SPOCK3: variants seen among roughly 807,000 people sequenced by gnomAD.
SPOCK3 encodes the protein SPARC (osteonectin), cwcv and kazal like domains proteoglycan 3.
Under a neutral mutation model 56.6 loss-of-function variants are expected in SPOCK3, and 30 were observed. The observed-to-expected ratio is 0.53, with a 90% CI of 0.40 to 0.72. The LOEUF (loss-of-function observed/expected upper bound fraction) is 0.72, where lower values mean the gene tolerates loss of function less well. Among genes scored for constraint, SPOCK3 ranks in the 30% least tolerant of loss-of-function variants. SPOCK3 has a pLI of 0.00. For synonymous variants in SPOCK3, 196 were observed against 183.3 expected, an observed-to-expected ratio of 1.07 and a Z score of -0.56; for missense variants, 527 against 530.0, an observed-to-expected ratio of 0.99 and a Z score of 0.06.
At chr4:166,954,536 C>A (rs1019660243) in intron 4 of SPOCK3, among the ~76,000 whole-genome samples, 1 of 152,044 alleles carries the variant, frequency 6.6e-6, no homozygotes, top group Non-Finnish European at 1.5e-5. Flanking sequence ...ATCCAGTTTT[C>A]CCAACACCAT....
In SPOCK3 at chr4:166,898,228, T is replaced by A. The variant is rs570056754; in HGVS notation, c.475-8984A>T. Among the ~76,000 whole-genome samples, 19 of 152,144 alleles carry A rather than the reference T, an allele frequency of 1.2e-4. 1 individual carries two copies. The highest frequency in any genetic ancestry group is 4.3e-4 in the African/African-American group (18 of 41,528). On this transcript the variant is annotated intron_variant, in intron 5 of 10. Transcript: ENST00000357545. ...AAGAAAAAAAAATATTTTTCATGTCTGGACAGTAGGTTTGGCTCAAACTGT... is the reference window on the plus strand; with the variant it reads ...AAGAAAAAAAAATATTTTTCATGTCAGGACAGTAGGTTTGGCTCAAACTGT...
chr4:166,784,771 C>T (rs1230462087), intron 7 of SPOCK3, among the ~76,000 whole-genome samples: 1 of 152,030 alleles, frequency 6.6e-6, no homozygotes, highest in African/African-American at 2.4e-5. Context: ...TGAAGGTTTA[C>T]ATAATTCTAT....
At chr4:167,133,998 C>T (rs1381826888) in intron 2 of SPOCK3, among the ~76,000 whole-genome samples, 1 of 139,578 alleles carries the variant, frequency 7.2e-6, no homozygotes, top group Non-Finnish European at 1.6e-5. Context: ...TGCCTTATAA[C>T]TTTCATAACT....
intron 6 of SPOCK3, among the ~76,000 whole-genome samples, chr4:166,795,895 T>A (rs1425195586): frequency 6.6e-6 from 1 of 152,156 alleles, no homozygotes; most frequent in Non-Finnish European, 1.5e-5. Context: ...CAGATTCATA[T>A]GTTATAACAT....
At chr4:167,106,004 A>G (rs1415513216) in intron 2 of SPOCK3, among the ~76,000 whole-genome samples, 1 of 151,916 alleles carries the variant, frequency 6.6e-6, no homozygotes. Flanking sequence ...TATTAGATTA[A>G]AGAGAGAGGC....
intron 4 of SPOCK3, among the ~76,000 whole-genome samples, chr4:166,997,077 A>C (rs1022262539): frequency 1.3e-5 from 2 of 151,894 alleles, no homozygotes; most frequent in African/African-American, 4.8e-5. Flanking sequence ...ACCAAACACC[A>C]CATGTTCTCA....
intron 6 of SPOCK3, among the ~76,000 whole-genome samples, chr4:166,833,450 T>G (rs912332072): frequency 6.6e-6 from 1 of 152,216 alleles, no homozygotes; most frequent in Non-Finnish European, 1.5e-5. Context: ...TGTTGCAGTT[T>G]CCAGCTCTAA....
chr4:167,169,251 C>T (rs1730282030), intron 2 of SPOCK3, among the ~76,000 whole-genome samples: 1 of 152,146 alleles, frequency 6.6e-6, no homozygotes, highest in Non-Finnish European at 1.5e-5. Context: ...ATAGTGGATC[C>T]ACTGACAGCT....
At chr4:167,139,237 T>C (rs1763343805) in intron 2 of SPOCK3, among the ~76,000 whole-genome samples, 1 of 152,026 alleles carries the variant, frequency 6.6e-6, no homozygotes, top group Admixed American at 6.6e-5. Context: ...GATATATAAC[T>C]GCATCAAGCA....
intron 4 of SPOCK3, among the ~76,000 whole-genome samples, chr4:166,991,327 GTGACT>G (rs1747756173): frequency 6.8e-6 from 1 of 146,320 alleles, no homozygotes. Flanking sequence ...AAAAGATAAT[GTGACT>G]TTTTGTTTTT....
At chr4:166,976,513 T>C (rs1032025505) in intron 4 of SPOCK3, among the ~76,000 whole-genome samples, 9 of 152,148 alleles carry the variant, frequency 5.9e-5, no homozygotes, top group African/African-American at 2.2e-4. Flanking sequence ...TAGTCCTTGA[T>C]ATTTGAATTT....
chr4:167,184,493 A>G (rs898059502), intron 2 of SPOCK3, among the ~76,000 whole-genome samples: 4 of 152,200 alleles, frequency 2.6e-5, no homozygotes, highest in Admixed American at 1.3e-4. Flanking sequence ...GTACCACTGC[A>G]GGAAGGCACT....
chr4:167,017,071 A>T (rs543440767), intron 3 of SPOCK3, among the ~76,000 whole-genome samples: 1 of 152,232 alleles, frequency 6.6e-6, no homozygotes, highest in African/African-American at 2.4e-5. Context: ...GGAATAAATG[A>T]GGGGAAAAAT....
At chr4:167,150,720 A>C (rs866139438) in intron 2 of SPOCK3, among the ~76,000 whole-genome samples, 1 of 152,292 alleles carries the variant, frequency 6.6e-6, no homozygotes, top group African/African-American at 2.4e-5. Context: ...AAAGTGAGAG[A>C]GTAAGGCTGC....
intron 6 of SPOCK3, among the ~76,000 whole-genome samples, chr4:166,868,185 C>T (rs1046253614): frequency 5.3e-5 from 8 of 151,414 alleles, no homozygotes; most frequent in African/African-American, 1.9e-4. Context: ...CACATGTAAT[C>T]GCAACAATTT....
intron 2 of SPOCK3, among the ~76,000 whole-genome samples, chr4:167,070,209 G>A (rs1414259008): frequency 1.3e-5 from 2 of 151,946 alleles, no homozygotes; most frequent in Non-Finnish European, 2.9e-5. Context: ...GATTGGGCCA[G>A]AAGTCCCACA....
chr4:166,815,791 T>G (rs1288186541), intron 6 of SPOCK3, among the ~76,000 whole-genome samples: 1 of 151,890 alleles, frequency 6.6e-6, no homozygotes, highest in Admixed American at 6.6e-5. Context: ...AATAAATAAA[T>G]AATAAAAAAG....
chr4:167,065,072 C>A lies in SPOCK3; in HGVS notation c.190-2535G>T, dbSNP rs868557622. 9.6e-3 allele frequency among the ~76,000 whole-genome samples: 980 copies of A among 102,568 alleles called. 6 individuals carry two copies. Among genetic ancestry groups the A allele is most frequent in the South Asian group, 0.019 (67 of 3,502 alleles). The allele number at this position is 102,568 out of a possible 152,430, so 67.3% of individuals were successfully genotyped here. A position where few individuals can be genotyped will look rare whatever the true frequency, so the allele number is the denominator to read the frequency against. On this transcript the variant is annotated intron_variant, in intron 2 of 10. Transcript: ENST00000357545. The stretch of plus-strand genomic sequence containing the variant: ...AAAAAAAAAAAAAAGTCAAACGCAG[C>A]AAATTTTTAAATACCTACATTTATT...
At chr4:166,736,767 T>A (rs1734258131) in intron 10 of SPOCK3, among the ~76,000 whole-genome samples, 1 of 151,906 alleles carries the variant, frequency 6.6e-6, no homozygotes, top group Admixed American at 6.6e-5. Context: ...AAACTGTCTA[T>A]AATACCAAGA....
Sources: gnomAD v4.1 joint callset for allele counts (sites outside exome capture counted in the v4.1 genomes callset) on GRCh38, gnomAD v4.1.1 for gene constraint, MANE v1.5 for transcripts, NCBI Gene and HGNC (gene_info 2026-07-23, HGNC 2026-07-21) for gene names.